TMEM26: variants seen among roughly 807,000 people sequenced by gnomAD.
The protein encoded by TMEM26 is transmembrane protein 26.
In TMEM26, 38 loss-of-function variants were observed where a neutral mutation model predicts 28.8. That is an observed-to-expected ratio of 1.32 (90% CI 1.02 to 1.73). TMEM26 has a LOEUF of 1.73. Ranked by LOEUF, TMEM26 falls within the 40% of genes most tolerant of loss-of-function variation. The probability of loss-of-function intolerance (pLI) is 0.00; values close to 1 mark genes in which losing one functional copy is unlikely to be tolerated. For synonymous variants in TMEM26, 227 were observed against 182.9 expected, an observed-to-expected ratio of 1.24 and a Z score of -1.95; for missense variants, 518 against 447.1, an observed-to-expected ratio of 1.16 and a Z score of -1.43.
intron 3 of TMEM26, among the ~76,000 whole-genome samples, chr10:61,431,001 T>C (rs1320725334): frequency 4.6e-5 from 7 of 152,060 alleles, no homozygotes; most frequent in Non-Finnish European, 2.9e-5. Context: ...AGGTTAAATA[T>C]ATCTATTAAT....
chr10:61,412,896 G>A, intron 5 of TMEM26: 5 of 1,271,400 alleles, frequency 3.9e-6, no homozygotes, highest in Non-Finnish European at 5.1e-6. Context: ...CAAAATCTTA[G>A]GGGTTTATGT....
rs189427095 is a variant in TMEM26, at chr10:61,429,991, G to A, written c.385-845C>T. Among the ~76,000 whole-genome samples, 6 of 152,158 alleles carry A rather than the reference G, an allele frequency of 3.9e-5. No homozygotes were observed. The East Asian group carries it at 1.2e-3, about 29-fold the overall frequency. On this transcript the variant is annotated intron_variant, in intron 3 of 5. Transcript: ENST00000399298. The stretch of plus-strand genomic sequence containing the variant: ...CACTTGCTGATATCAAATGCACAAG[G>A]ACGGATAAAAGACAAGGCATGATGC...
chr10:61,426,014 T>A (rs1040802282), intron 4 of TMEM26, among the ~76,000 whole-genome samples: 2 of 152,094 alleles, frequency 1.3e-5, no homozygotes, highest in Non-Finnish European at 2.9e-5. Flanking sequence ...TCATTCTTAA[T>A]ATGAAAAAGC....
chr10:61,428,576 G>C (rs974456607), intron 4 of TMEM26, among the ~76,000 whole-genome samples: 1 of 152,008 alleles, frequency 6.6e-6, no homozygotes, highest in African/African-American at 2.4e-5. Context: ...TGACACTTGG[G>C]AATGGAAAAG....
At chr10:61,450,020 A>T (rs1840250281) in intron 1 of TMEM26, among the ~76,000 whole-genome samples, 1 of 152,158 alleles carries the variant, frequency 6.6e-6, no homozygotes. Flanking sequence ...TAGTATGAAT[A>T]TTTCACAATT....
intron 4 of TMEM26, chr10:61,416,157 G>A (rs748115322): frequency 1.7e-4 from 74 of 435,664 alleles, no homozygotes; most frequent in South Asian, 1.2e-3. Flanking sequence ...ATTTTCACAA[G>A]GTTTTTTCAA....
At chr10:61,439,296 A>G (rs545662845) in intron 1 of TMEM26, among the ~76,000 whole-genome samples, 14 of 152,318 alleles carry the variant, frequency 9.2e-5, no homozygotes, top group Non-Finnish European at 1.9e-4. Flanking sequence ...AGCTCCATGA[A>G]GGAAGGTCCT....
In TMEM26 at chr10:61,447,797, C is replaced by T. The variant is rs187363952; in HGVS notation, c.191+5094G>A. 2.4e-3 allele frequency among the ~76,000 whole-genome samples: 371 copies of T among 152,294 alleles called. 1 individual carries two copies. Among genetic ancestry groups the T allele is most frequent in the African/African-American group, 8.6e-3 (358 of 41,578 alleles). On this transcript the variant is annotated intron_variant, in intron 1 of 5. Coordinates refer to ENST00000399298, the MANE Select transcript of TMEM26 (RefSeq NM_178505.8). ...TTCTCTAAGGCCTCAGCTCAAAGGT[C>T]ACATCCCCAGCCAGGCCTCTCTGAC...
At chr10:61,432,203 C>G (rs538758269) in intron 2 of TMEM26, among the ~76,000 whole-genome samples, 22 of 152,046 alleles carry the variant, frequency 1.4e-4, no homozygotes, top group Admixed American at 1.3e-4. Flanking sequence ...ATAATCCAAT[C>G]ATTTTTAATC....
Position 61,429,020 on chromosome 10 carries a change from G to A in TMEM26, c.511C>T (p.Arg171Ter). 10 of 1,613,272 alleles carry A rather than the reference G, an allele frequency of 6.2e-6. No individual in the cohort carries two copies. Among genetic ancestry groups the A allele is most frequent in the Non-Finnish European group, 7.6e-6 (9 of 1,179,438 alleles). Residue 171 changes from arginine to a stop codon, truncating the protein, a stop_gained, in exon 4 of 6, where the codon CGA becomes TGA. Coordinates refer to ENST00000399298, the MANE Select transcript of TMEM26 (RefSeq NM_178505.8). LOFTEE classifies it high-confidence loss of function. ...WLLPIGGGIT[R>*]DQLSQLLLMF... ...AGAAGAAGTTGAGAGAGTTGATCTCGAGTGATCCCGCCTCCAATGGGTAGA... is the reference window on the plus strand; with the variant it reads ...AGAAGAAGTTGAGAGAGTTGATCTCAAGTGATCCCGCCTCCAATGGGTAGA...
chr10:61,423,781 G>A (rs1263137540), intron 4 of TMEM26, among the ~76,000 whole-genome samples: 1 of 152,044 alleles, frequency 6.6e-6, no homozygotes, highest in East Asian at 1.9e-4. Flanking sequence ...ATTTATCTCA[G>A]GAAGTCAAGG....
rs558560979 is a variant in TMEM26 at position 61,408,259 on chromosome 10, A to G, written c.*2063T>C. 3 of 152,296 alleles carry G rather than the reference A, an allele frequency of 2.0e-5. No individual in the cohort carries two copies. Among genetic ancestry groups the G allele is most frequent in the Admixed American group, 2.0e-4 (3 of 15,302 alleles). The allele number at this position is 152,296 out of a possible 1,614,324, so 9.4% of individuals were successfully genotyped here. On this transcript the variant is annotated 3_prime_UTR_variant, in exon 6 of 6. Transcript: ENST00000399298. ...ACTTCCTGACCCTCTAAATAAAGCT[A>G]GACTTTGGACAGGCTTTTTATTTCT...
Position 61,431,259 on chromosome 10 carries a change from G to A in TMEM26, c.344C>T (p.Ser115Phe). Residue 115 changes from serine (S) to phenylalanine (F), a missense_variant, in exon 3 of 6, where the codon TCC (serine) becomes TTC (phenylalanine). Coordinates refer to ENST00000399298, the MANE Select transcript of TMEM26 (RefSeq NM_178505.8). ...ATCAGCTCTACTGGTTTGTTCATTG[G>A]ATGTCAATGTTTGATTGAAGTCTTC... ...RKEDFNQTLT[S>F]NEQTSRADDL... 1 of 1,613,130 alleles carries A rather than the reference G, an allele frequency of 6.2e-7. No individual in the cohort carries two copies. The highest frequency in any genetic ancestry group is 8.5e-7 in the Non-Finnish European group (1 of 1,179,338).
intron 1 of TMEM26, among the ~76,000 whole-genome samples, chr10:61,441,758 A>G (rs1022430823): frequency 6.6e-6 from 1 of 152,200 alleles, no homozygotes; most frequent in African/African-American, 2.4e-5. Flanking sequence ...CCAGTGAGCT[A>G]TCTGCCCTTA....
chr10:61,438,275 C>T (rs1021267134), intron 1 of TMEM26, among the ~76,000 whole-genome samples: 1 of 152,050 alleles, frequency 6.6e-6, no homozygotes, highest in Non-Finnish European at 1.5e-5. Flanking sequence ...ATCAAAAGCC[C>T]ATGTTTAGCA....
chr10:61,418,973 T>C (rs1011284709), intron 4 of TMEM26, among the ~76,000 whole-genome samples: 7 of 152,116 alleles, frequency 4.6e-5, no homozygotes, highest in Non-Finnish European at 1.0e-4. Flanking sequence ...TCATAAGGGC[T>C]CATAGTATTT....
intron 1 of TMEM26, among the ~76,000 whole-genome samples, chr10:61,443,179 G>A (rs780537864): frequency 2.7e-4 from 41 of 151,986 alleles, no homozygotes; most frequent in Non-Finnish European, 5.4e-4. Flanking sequence ...CAGGCCCGGT[G>A]CAGTGTGTCA....
At chr10:61,416,273 A>C in intron 4 of TMEM26, 8 of 354,436 alleles carry the variant, frequency 2.3e-5, no homozygotes, top group South Asian at 1.6e-4. Flanking sequence ...AGGCAGTAGA[A>C]AGCAGTGGCA....
chr10:61,433,504 G>C (rs1839955629), intron 2 of TMEM26, among the ~76,000 whole-genome samples: 1 of 152,086 alleles, frequency 6.6e-6, no homozygotes, highest in South Asian at 2.1e-4. Context: ...AAGATGACCA[G>C]AATATTTCCA....
Sources: allele counts gnomAD v4.1 joint callset (sites outside exome capture counted in the v4.1 genomes callset), GRCh38; gene constraint gnomAD v4.1.1; transcripts MANE v1.5; gene names NCBI Gene and HGNC (gene_info 2026-07-23, HGNC 2026-07-21).